ADAMTS9: variants seen among roughly 807,000 people sequenced by gnomAD.
The protein encoded by ADAMTS9 is A disintegrin and metalloproteinase with thrombospondin motifs 9.
A neutral mutation model predicts 257.1 loss-of-function variants in ADAMTS9; 107 were observed. The observed-to-expected ratio is 0.42, with a 90% CI of 0.36 to 0.49. The LOEUF (loss-of-function observed/expected upper bound fraction) is 0.49. ADAMTS9 is among the 20% of genes least tolerant of loss of function. ADAMTS9 has a pLI of 0.03. For missense variants in ADAMTS9, 2,353 were observed against 2,469.1 expected (o/e 0.95, Z 1.00); for synonymous variants, 982 against 880.9 (o/e 1.11, Z -2.03).
Position 64,633,745 on chromosome 3 carries a change from A to G in ADAMTS9, c.1991T>C (p.Ile664Thr), listed in dbSNP as rs1226735965. The change falls in exon 13 of 40, where the codon ATC becomes ACC. Residue 664 changes from isoleucine (I) to threonine (T), a missense_variant. This residue lies in a region of ADAMTS9 where 360 missense variants were observed against 458.1 expected (regional missense o/e 0.79). Coordinates refer to ENST00000498707, the MANE Select transcript of ADAMTS9 (RefSeq NM_182920.2). ...GCGCACATTGGGAAGCAGACCGTTG[A>G]TGTTAAAATGCTTCCCGTCAAAGTG... ...CAHFDGKHFNINGLLPNVRWV... is the reference protein window; with the variant it reads ...CAHFDGKHFNTNGLLPNVRWV... 1 of 1,613,672 alleles carries G rather than the reference A, an allele frequency of 6.2e-7. No homozygotes were observed. Among genetic ancestry groups the G allele is most frequent in the Admixed American group, 1.7e-5 (1 of 59,954 alleles).
intron 26 of ADAMTS9, among the ~76,000 whole-genome samples, chr3:64,599,196 T>C (rs2084415746): frequency 6.6e-6 from 1 of 152,200 alleles, no homozygotes; most frequent in African/African-American, 2.4e-5. Context: ...CACAGACAGA[T>C]GAAGTATTGT....
At chr3:64,631,422 A>T in intron 16 of ADAMTS9, 33 bp downstream of exon 16, 1 of 1,560,660 alleles carries the variant, frequency 6.4e-7, no homozygotes, top group African/African-American at 1.4e-5. Context: ...CCATAGAACC[A>T]GAACTCGCAA....
chr3:64,536,867 G>A (rs1466005014), intron 37 of ADAMTS9, among the ~76,000 whole-genome samples: 1 of 152,188 alleles, frequency 6.6e-6, no homozygotes, highest in Non-Finnish European at 1.5e-5. Flanking sequence ...GGCTGTCGGG[G>A]AATCCACTCT....
intron 38 of ADAMTS9, among the ~76,000 whole-genome samples, chr3:64,530,018 C>A (rs147635304): frequency 0.013 from 1,376 of 102,892 alleles, 27 homozygotes; most frequent in African/African-American, 0.045. Flanking sequence ...GAGATTGGGT[C>A]TCCCTGTGTT....
intron 28 of ADAMTS9, among the ~76,000 whole-genome samples, chr3:64,593,782 A>T (rs1257663728): frequency 6.6e-6 from 1 of 152,194 alleles, no homozygotes; most frequent in African/African-American, 2.4e-5. Context: ...CTTTGTAAAA[A>T]TTATGTTCAG....
chr3:64,616,921 C>T (rs758728080), intron 19 of ADAMTS9, among the ~76,000 whole-genome samples: 1 of 152,116 alleles, frequency 6.6e-6, no homozygotes, highest in African/African-American at 2.4e-5. Context: ...GAGACTACTT[C>T]CATGTGTACC....
chr3:64,626,450 T>C (rs1452157508), intron 16 of ADAMTS9, among the ~76,000 whole-genome samples: 3 of 152,224 alleles, frequency 2.0e-5, no homozygotes, highest in African/African-American at 7.2e-5. Context: ...AAATGTAAAT[T>C]GCTCATTTTG....
At chr3:64,653,204 G>C (rs77794434) in intron 8 of ADAMTS9, among the ~76,000 whole-genome samples, 3,598 of 152,148 alleles carry the variant, frequency 0.024, 79 homozygotes, top group Middle Eastern at 0.068. Flanking sequence ...AAGTCCCACC[G>C]CCACTAAGCT....
chr3:64,621,390 T>A (rs1223075094), intron 18 of ADAMTS9, 150 bp from the exon 19 acceptor site: 1 of 924,180 alleles, frequency 1.1e-6, no homozygotes, highest in Non-Finnish European at 1.6e-6. Flanking sequence ...AACCCTGACA[T>A]TACAGGGCAA....
chr3:64,549,079 C>T (rs755352148), intron 31 of ADAMTS9, among the ~76,000 whole-genome samples: 2 of 152,174 alleles, frequency 1.3e-5, no homozygotes, highest in Non-Finnish European at 2.9e-5. Context: ...GTCTTCTTTT[C>T]TAGAGAGGAT....
At chr3:64,665,261 A>T (rs1458129373) in intron 3 of ADAMTS9, among the ~76,000 whole-genome samples, 1 of 152,200 alleles carries the variant, frequency 6.6e-6, no homozygotes, top group East Asian at 1.9e-4. Flanking sequence ...CGATGCTCAC[A>T]AAAGGGAAGT....
At chr3:64,550,678 C>G (rs1576007059) in intron 31 of ADAMTS9, 2 of 586,058 alleles carry the variant, frequency 3.4e-6, no homozygotes, top group East Asian at 5.7e-5. Flanking sequence ...CCTGAAGGGA[C>G]TTAGAGACCA....
chr3:64,681,058 G>A, intron 3 of ADAMTS9, 143 bp downstream of exon 3: 1 of 916,640 alleles, frequency 1.1e-6, no homozygotes, highest in Non-Finnish European at 1.6e-6. Context: ...AGTGGGGTAT[G>A]TATCCCTACA....
At chr3:64,676,674 C>G (rs1286902840) in intron 3 of ADAMTS9, among the ~76,000 whole-genome samples, 1 of 152,188 alleles carries the variant, frequency 6.6e-6, no homozygotes, top group African/African-American at 2.4e-5. Flanking sequence ...ATTGATCTAT[C>G]TTCCTCCCAA....
chr3:64,594,556 A>C, intron 27 of ADAMTS9, 122 bp from the exon 28 acceptor site: 1 of 1,206,706 alleles, frequency 8.3e-7, no homozygotes, highest in African/African-American at 1.5e-5. Flanking sequence ...CCTCTGACAG[A>C]TGGAACCAAG....
At chr3:64,644,279 CAG>C (rs1430596578) in intron 11 of ADAMTS9, among the ~76,000 whole-genome samples, 4 of 152,112 alleles carry the variant, frequency 2.6e-5, no homozygotes, top group Non-Finnish European at 4.4e-5. Context: ...AATGAAGGGA[CAG>C]AGGAGTTGAT....
At chr3:64,630,124 T>C (rs1700331179) in intron 16 of ADAMTS9, among the ~76,000 whole-genome samples, 1 of 114,172 alleles carries the variant, frequency 8.8e-6, no homozygotes, top group South Asian at 2.9e-4. Flanking sequence ...GATCTGAGTG[T>C]AAGCCATGCG....
chr3:64,520,878 T>C (rs929850996), intron 39 of ADAMTS9, among the ~76,000 whole-genome samples: 1 of 152,148 alleles, frequency 6.6e-6, no homozygotes, highest in Non-Finnish European at 1.5e-5. Context: ...CTTCTGAACA[T>C]TGGCCTAGGC....
intron 10 of ADAMTS9, 110 bp from the exon 11 acceptor site, chr3:64,648,154 G>T (rs1187855484): frequency 5.3e-6 from 5 of 947,438 alleles, no homozygotes; most frequent in Admixed American, 2.4e-5. Context: ...TAGGGTAAGT[G>T]GGGAAGGAAA....
Sources: gnomAD v4.1 joint callset for allele counts (sites outside exome capture counted in the v4.1 genomes callset) on GRCh38, gnomAD v4.1.1 for gene constraint, gnomAD v4.1.1 regional missense constraint, MANE v1.5 for transcripts, NCBI Gene and HGNC (gene_info 2026-07-23, HGNC 2026-07-21) for gene names.